The following RGS17 variants were observed in gnomAD, a reference collection of about 807,000 sequenced individuals.
RGS17 encodes regulator of G protein signaling 17, also known as regulator of G-protein signaling 17.
Under a neutral mutation model 25.5 loss-of-function variants are expected in RGS17, and 12 were observed. That is an observed-to-expected ratio of 0.47 (90% confidence interval 0.30 to 0.76). The LOEUF (loss-of-function observed/expected upper bound fraction) is 0.76. Ranked by LOEUF, RGS17 falls within the 30% of genes least tolerant of loss-of-function variation. The pLI, the probability that RGS17 is intolerant of heterozygous loss-of-function variation, is 0.07. For synonymous variants in RGS17, 71 were observed against 76.9 expected, an observed-to-expected ratio of 0.92 and a Z score of 0.40; for missense variants, 196 against 242.2, an observed-to-expected ratio of 0.81 and a Z score of 1.27.
At chr6:153,058,268 G>C (rs1469938253) in intron 1 of RGS17, among the ~76,000 whole-genome samples, 1 of 152,150 alleles carries the variant, frequency 6.6e-6, no homozygotes, top group African/African-American at 2.4e-5. Context: ...GATGTTGAAG[G>C]TTTTCATCAT....
chr6:153,019,208 C>T (rs939869972), intron 4 of RGS17, among the ~76,000 whole-genome samples: 1 of 152,214 alleles, frequency 6.6e-6, no homozygotes, highest in South Asian at 2.1e-4. Context: ...AAGTGGCTCA[C>T]AGATGGTAAG....
intron 1 of RGS17, among the ~76,000 whole-genome samples, chr6:153,095,566 G>A (rs1777197730): frequency 2.6e-5 from 4 of 152,072 alleles, no homozygotes; most frequent in African/African-American, 9.7e-5. Flanking sequence ...TTATTTTATA[G>A]AGATATAAAA....
intron 1 of RGS17, among the ~76,000 whole-genome samples, chr6:153,063,181 C>G (rs1022643271): frequency 2.6e-5 from 4 of 152,074 alleles, no homozygotes; most frequent in Non-Finnish European, 5.9e-5. Context: ...CTACAACTAT[C>G]AAGACACTGT....
intron 3 of RGS17, among the ~76,000 whole-genome samples, chr6:153,024,815 A>G (rs901796243): frequency 6.6e-6 from 1 of 152,186 alleles, no homozygotes; most frequent in Admixed American, 6.5e-5. Flanking sequence ...AAACTTTAAC[A>G]ATGTGTTGCA....
intron 1 of RGS17, among the ~76,000 whole-genome samples, chr6:153,093,712 C>G (rs1254690619): frequency 2.0e-4 from 30 of 152,198 alleles, no homozygotes; most frequent in Admixed American, 2.0e-3. Flanking sequence ...CTACTCAACA[C>G]AATCTTGACT....
intron 1 of RGS17, among the ~76,000 whole-genome samples, chr6:153,105,901 T>G (rs1777373232): frequency 6.6e-6 from 1 of 152,106 alleles, no homozygotes; most frequent in African/African-American, 2.4e-5. Context: ...GACTGTAGTG[T>G]GGCATCAGGA....
intron 1 of RGS17, among the ~76,000 whole-genome samples, chr6:153,077,803 A>C (rs1267049208): frequency 6.6e-6 from 1 of 152,284 alleles, no homozygotes; most frequent in Non-Finnish European, 1.5e-5. Context: ...TTGTCTTCCA[A>C]GACATACTGA....
At chr6:153,127,581 A>G (rs1240568271) in intron 1 of RGS17, among the ~76,000 whole-genome samples, 1 of 152,252 alleles carries the variant, frequency 6.6e-6, no homozygotes, top group East Asian at 1.9e-4. Flanking sequence ...AATACAAGCT[A>G]AAGCCAGCTT....
intron 1 of RGS17, among the ~76,000 whole-genome samples, chr6:153,072,632 C>T (rs921426261): frequency 6.6e-6 from 1 of 152,178 alleles, no homozygotes; most frequent in Non-Finnish European, 1.5e-5. Flanking sequence ...TGATCTAGCA[C>T]AAACTTCCAG....
At chr6:153,022,384 AT>A (rs2129106740) in intron 4 of RGS17, among the ~76,000 whole-genome samples, 1 of 152,362 alleles carries the variant, frequency 6.6e-6, no homozygotes, top group Admixed American at 6.5e-5. Context: ...TGTGTGGATA[AT>A]AAGAAAATGT....
intron 2 of RGS17, among the ~76,000 whole-genome samples, chr6:153,033,316 C>T (rs1453648414): frequency 3.3e-5 from 5 of 152,082 alleles, no homozygotes; most frequent in African/African-American, 1.2e-4. Context: ...CTACACGGTA[C>T]GTTTATGTTC....
chr6:153,087,453 T>C (rs1777066954), intron 1 of RGS17, among the ~76,000 whole-genome samples: 2 of 152,174 alleles, frequency 1.3e-5, no homozygotes, highest in African/African-American at 4.8e-5. Flanking sequence ...CAAATACACA[T>C]ACTAGTCAGC....
In RGS17 at chr6:153,005,260, G is replaced by A. The variant is rs1584113698; in HGVS notation, c.*6314C>T. 1 of 152,114 alleles carries A rather than the reference G, an allele frequency of 6.6e-6. No homozygotes were observed. The highest frequency in any genetic ancestry group is 1.9e-4 in the East Asian group (1 of 5,192). The allele number at this position is 152,114 out of a possible 1,614,324, so 9.4% of individuals were successfully genotyped here. ...ATTGTAAATTGCGCAGACAGTTCAA[G>A]GGAAAAATTCACTTTCACCTCTATT... On this transcript the variant is annotated 3_prime_UTR_variant, in exon 5 of 5. Coordinates refer to ENST00000206262, the MANE Select transcript of RGS17 (RefSeq NM_012419.5).
Position 153,010,195 on chromosome 6 carries a change from G to T in RGS17, c.*1379C>A, listed in dbSNP as rs976391098. On this transcript the variant is annotated 3_prime_UTR_variant, in exon 5 of 5. Transcript: ENST00000206262. ...AATATTAAAAAAATAGTCTTCAGGG[G>T]ATATTAATATTCAAATGTAACACTT... 2 of 151,526 alleles carry T rather than the reference G, an allele frequency of 1.3e-5. No individual in the cohort carries two copies. Among genetic ancestry groups the T allele is most frequent in the African/African-American group, 4.8e-5 (2 of 41,290 alleles). The allele number at this position is 151,526 out of a possible 1,614,324, so 9.4% of individuals were successfully genotyped here.
intron 1 of RGS17, among the ~76,000 whole-genome samples, chr6:153,129,121 A>G (rs886069919): frequency 2.6e-5 from 4 of 152,220 alleles, no homozygotes; most frequent in Non-Finnish European, 5.9e-5. Flanking sequence ...ATACCACTCA[A>G]TCTTTTTGTA....
At chr6:153,029,319 T>C (rs1258117485) in intron 2 of RGS17, among the ~76,000 whole-genome samples, 4 of 152,222 alleles carry the variant, frequency 2.6e-5, no homozygotes, top group Non-Finnish European at 4.4e-5. Context: ...TATCAAGAAC[T>C]GCTGAAAATA....
intron 1 of RGS17, among the ~76,000 whole-genome samples, chr6:153,071,280 C>G (rs1776800403): frequency 6.6e-6 from 1 of 151,312 alleles, no homozygotes; most frequent in Non-Finnish European, 1.5e-5. Context: ...TAATATAGTA[C>G]TATAAACACA....
chr6:153,067,000 A>G (rs1307264791), intron 1 of RGS17, among the ~76,000 whole-genome samples: 1 of 152,042 alleles, frequency 6.6e-6, no homozygotes, highest in Non-Finnish European at 1.5e-5. Flanking sequence ...AGATCGCACC[A>G]ATGCACTCCA....
At chr6:153,113,949 T>C (rs545301430) in intron 1 of RGS17, among the ~76,000 whole-genome samples, 111 of 152,178 alleles carry the variant, frequency 7.3e-4, no homozygotes, top group Non-Finnish European at 1.3e-3. Context: ...GGGAAATTTA[T>C]AGCACTAAAA....
Sources: allele counts gnomAD v4.1 joint callset (sites outside exome capture counted in the v4.1 genomes callset), GRCh38; gene constraint gnomAD v4.1.1; transcripts MANE v1.5; gene names NCBI Gene and HGNC (gene_info 2026-07-23, HGNC 2026-07-21).